STARD7: variants seen among roughly 807,000 people sequenced by gnomAD.
STARD7 encodes stAR-related lipid transfer protein 7, mitochondrial.
Under a neutral mutation model 45.3 loss-of-function variants are expected in STARD7, and 30 were observed. The observed-to-expected ratio is 0.66, with a 90% CI of 0.50 to 0.90. STARD7 has a LOEUF of 0.90. Among genes scored for constraint, STARD7 ranks in the 40% least tolerant of loss-of-function variants. STARD7 has a pLI of 0.00. For synonymous variants in STARD7, 199 were observed against 183.0 expected, an observed-to-expected ratio of 1.09 and a Z score of -0.70; for missense variants, 495 against 491.3, an observed-to-expected ratio of 1.01 and a Z score of -0.07.
chr2:96,190,374 C>T (rs1373831454), intron 6 of STARD7, among the ~76,000 whole-genome samples: 1 of 139,964 alleles, frequency 7.1e-6, no homozygotes, highest in Non-Finnish European at 1.5e-5. Context: ...CTCACTGTGT[C>T]GCCCACGCTG....
At chr2:96,203,333 CAGATTAGAAAA>C (rs1683335317) in intron 1 of STARD7, among the ~76,000 whole-genome samples, 1 of 152,178 alleles carries the variant, frequency 6.6e-6, no homozygotes. Flanking sequence ...GTAAAATCAG[CAGATTAGAAAA>C]AGGATCAAGA....
intron 1 of STARD7, among the ~76,000 whole-genome samples, chr2:96,200,325 A>G (rs1683285864): frequency 6.6e-6 from 1 of 152,190 alleles, no homozygotes; most frequent in Admixed American, 6.5e-5. Flanking sequence ...GTGATCCACT[A>G]GCCTGGGCCT....
chr2:96,206,097 G>A (rs1263310274), intron 1 of STARD7, among the ~76,000 whole-genome samples: 2 of 152,128 alleles, frequency 1.3e-5, no homozygotes, highest in African/African-American at 4.8e-5. Flanking sequence ...AGGTTTCAGG[G>A]ACAGTCTGAC....
chr2:96,193,156 G>T lies in STARD7; in HGVS notation c.665C>A (p.Pro222Gln). 6.2e-7 allele frequency: 1 copy of T among 1,611,026 alleles called. No homozygotes were observed. ...ATAAACATAATCCCGTGAGTACATT[G>T]GATACTAAAGAAATGGAGGAGCAGG... ...VLHWVTHFPY[P>Q]MYSRDYVYVR... Residue 222 changes from proline to glutamine, a missense_variant, in exon 5 of 8, where the codon CCA (proline) becomes CAA (glutamine). By Grantham distance (76) the Pro-to-Gln change is moderately conservative. Coordinates refer to ENST00000337288, the MANE Select transcript of STARD7 (RefSeq NM_020151.4).
intron 6 of STARD7, 83 bp downstream of exon 6, chr2:96,192,286 C>T: frequency 1.8e-6 from 2 of 1,081,528 alleles, no homozygotes; most frequent in South Asian, 1.3e-5. Context: ...CGCCACACCC[C>T]CTCCTCCCTA....
intron 1 of STARD7, among the ~76,000 whole-genome samples, chr2:96,199,549 T>C (rs1168686981): frequency 6.6e-6 from 1 of 152,256 alleles, no homozygotes; most frequent in Non-Finnish European, 1.5e-5. Context: ...TCAGCTCTAA[T>C]TGCTTTCTGT....
chr2:96,196,459 CT>C (rs1330567428), intron 1 of STARD7, among the ~76,000 whole-genome samples: 3 of 152,006 alleles, frequency 2.0e-5, no homozygotes, highest in Admixed American at 2.0e-4. Flanking sequence ...GACTCTGTCT[CT>C]TTTTTTTGTT....
At position 96,191,850 on chromosome 2, in the gene STARD7, T is replaced by C. The variant is rs3731933; in HGVS notation, c.843+519A>G. Among the ~76,000 whole-genome samples, 180 of 152,286 alleles carry C rather than the reference T, an allele frequency of 1.2e-3. 4 individuals are homozygous for C. The East Asian group carries it at 0.032, about 27-fold the overall frequency. On this transcript the variant is annotated intron_variant, in intron 6 of 7. Coordinates refer to ENST00000337288, the MANE Select transcript of STARD7 (RefSeq NM_020151.4). ...CAGCAGCCACTAGCATCAATATCTA[T>C]ACTCTCAGTGGAGATTTAGCTTAAA...
rs1297861222 is a variant in STARD7, at chr2:96,185,768, T to G, written c.*962A>C. On this transcript the variant is annotated 3_prime_UTR_variant, in exon 8 of 8. Coordinates refer to ENST00000337288, the MANE Select transcript of STARD7 (RefSeq NM_020151.4). ...AAAAGAACAAGTCAAACCTGAAATA[T>G]GAAAAATAATACCTGAATCAAAATG... The G allele has an allele frequency of 1.3e-5, 2 of 152,164 alleles. No homozygotes were observed. The highest frequency in any genetic ancestry group is 4.8e-5 in the African/African-American group (2 of 41,436). The allele number at this position is 152,164 out of a possible 1,614,324, so 9.4% of individuals were successfully genotyped here.
intron 1 of STARD7, among the ~76,000 whole-genome samples, chr2:96,197,079 A>AAC (rs1683226946): frequency 7.4e-6 from 1 of 135,648 alleles, no homozygotes. Flanking sequence ...AATAAAATAA[A>AAC]ATAAAATAAA....
rs903576179 is a variant in STARD7 at position 96,208,620 on chromosome 2, G to C, written c.-186C>G. On this transcript the variant is annotated 5_prime_UTR_variant, in exon 1 of 8. Coordinates refer to ENST00000337288, the MANE Select transcript of STARD7 (RefSeq NM_020151.4). The stretch of plus-strand genomic sequence containing the variant: ...TGAGGAAGAGTCTCCTCTGAGGGGA[G>C]AGTCGGTCATGGCAGCAGACGCCGG... 6.0e-6 allele frequency: 3 copies of C among 499,672 alleles called. No homozygotes were observed. The African/African-American group carries it at 6.1e-5, about 10-fold the overall frequency. The allele number at this position is 499,672 out of a possible 1,614,324, so 31.0% of individuals were successfully genotyped here.
intron 1 of STARD7, among the ~76,000 whole-genome samples, chr2:96,205,672 T>C (rs751187795): frequency 4.2e-4 from 64 of 152,240 alleles, no homozygotes; most frequent in Non-Finnish European, 4.1e-4. Context: ...TTCAAGCAAA[T>C]AGAATACTTA....
At chr2:96,197,386 C>G (rs944417106) in intron 1 of STARD7, among the ~76,000 whole-genome samples, 1 of 152,028 alleles carries the variant, frequency 6.6e-6, no homozygotes, top group African/African-American at 2.4e-5. Context: ...GCCTGGGCAA[C>G]AGAGTGAGAC....
chr2:96,192,985 T>G, intron 5 of STARD7, 93 bp downstream of exon 5: 1 of 887,952 alleles, frequency 1.1e-6, no homozygotes, highest in Non-Finnish European at 1.8e-6. Flanking sequence ...TGTGGGAGAC[T>G]CATAGGACAC....
At chr2:96,204,597 C>T (rs150146399) in intron 1 of STARD7, among the ~76,000 whole-genome samples, 15 of 152,172 alleles carry the variant, frequency 9.9e-5, no homozygotes, top group South Asian at 2.1e-4. Flanking sequence ...CAGGACAGGA[C>T]ATCAATTAGC....
chr2:96,187,400 G>A (rs139776707), intron 6 of STARD7, 99 bp from the exon 7 acceptor site: 9 of 751,110 alleles, frequency 1.2e-5, no homozygotes, highest in Non-Finnish European at 2.0e-5. Flanking sequence ...TCTGGAGCAG[G>A]GAGTGTCATT....
intron 6 of STARD7, chr2:96,188,199 C>A (rs1683066688): frequency 7.2e-6 from 1 of 139,840 alleles, no homozygotes; most frequent in South Asian, 2.4e-4. Flanking sequence ...TCGTTTGAAC[C>A]GGGAGGCAGA....
intron 7 of STARD7, 106 bp downstream of exon 7, chr2:96,187,111 A>G: frequency 9.7e-7 from 1 of 1,035,984 alleles, no homozygotes; most frequent in Non-Finnish European, 1.4e-6. Context: ...TCAGAAAAAA[A>G]AAAAAAAGAA....
intron 5 of STARD7, 66 bp downstream of exon 5, chr2:96,193,012 C>G: frequency 1.7e-6 from 2 of 1,169,174 alleles, no homozygotes; most frequent in Admixed American, 3.7e-5. Context: ...TATACAAACT[C>G]AGGTACGTAG....
Sources: gnomAD v4.1 joint callset for allele counts (sites outside exome capture counted in the v4.1 genomes callset) on GRCh38, gnomAD v4.1.1 for gene constraint, MANE v1.5 for transcripts, NCBI Gene and HGNC (gene_info 2026-07-23, HGNC 2026-07-21) for gene names.